REDIC1: variants seen among roughly 807,000 people sequenced by gnomAD.
REDIC1 encodes the protein HEI10 Interacting Protein 1.
the REDIC1 span, among the ~76,000 whole-genome samples, chr12:39,714,173 G>A: frequency 6.8e-6 from 1 of 146,212 alleles, no homozygotes; most frequent in East Asian, 2.0e-4. Flanking sequence ...ATGCGTATAT[G>A]TATATACATG....
the REDIC1 span, among the ~76,000 whole-genome samples, chr12:39,656,797 A>G: frequency 3.3e-5 from 5 of 152,316 alleles, no homozygotes; most frequent in Non-Finnish European, 7.4e-5. Flanking sequence ...TTTTAACAAA[A>G]AAGGTTAAAA....
chr12:39,715,296 C>T, the REDIC1 span, among the ~76,000 whole-genome samples: 79 of 151,896 alleles, frequency 5.2e-4, no homozygotes, highest in Non-Finnish European at 9.4e-4. Flanking sequence ...CTAATTAGCC[C>T]AGCACCATTT....
chr12:39,828,315 C>T, the REDIC1 span, among the ~76,000 whole-genome samples: 10 of 151,754 alleles, frequency 6.6e-5, no homozygotes, highest in Non-Finnish European at 1.2e-4. Context: ...CTGTGAACAT[C>T]ATTTTTTTTT....
chr12:39,656,819 AT>A, the REDIC1 span, among the ~76,000 whole-genome samples: 3 of 152,204 alleles, frequency 2.0e-5, no homozygotes, highest in African/African-American at 7.2e-5. Context: ...TAAGGAAAAC[AT>A]TTAAAAAAAT....
chr12:39,712,114 C>A, the REDIC1 span, among the ~76,000 whole-genome samples: 315 of 85,928 alleles, frequency 3.7e-3, 1 homozygote, highest in South Asian at 6.5e-3. Context: ...GTATATATAC[C>A]TGTATATATA....
chr12:39,646,090 A>G, the REDIC1 span, among the ~76,000 whole-genome samples: 1 of 152,016 alleles, frequency 6.6e-6, no homozygotes, highest in African/African-American at 2.4e-5. Context: ...TGGTGGAAGA[A>G]AAAGTAGAAC....
chr12:39,897,769 T>G, the REDIC1 span, among the ~76,000 whole-genome samples: 1 of 152,186 alleles, frequency 6.6e-6, no homozygotes, highest in East Asian at 1.9e-4. Flanking sequence ...TAAAAAATCA[T>G]TTTCCTTCAT....
the REDIC1 span, chr12:39,646,543 A>ATACT: frequency 7.5e-7 from 1 of 1,332,010 alleles, no homozygotes; most frequent in Non-Finnish European, 1.0e-6. Flanking sequence ...AATGTATAAA[A>ATACT]TACTTACCTT....
the REDIC1 span, among the ~76,000 whole-genome samples, chr12:39,811,596 T>C: frequency 3.3e-5 from 5 of 152,198 alleles, no homozygotes; most frequent in Non-Finnish European, 7.4e-5. Context: ...TTGTTTAATA[T>C]TCAAATATTT....
the REDIC1 span, among the ~76,000 whole-genome samples, chr12:39,779,646 C>T: frequency 6.6e-6 from 1 of 152,158 alleles, no homozygotes; most frequent in African/African-American, 2.4e-5. Flanking sequence ...ACATTGTAAG[C>T]CTCAGAGAAG....
chr12:39,646,001 C>G, the REDIC1 span, among the ~76,000 whole-genome samples: 2 of 151,840 alleles, frequency 1.3e-5, no homozygotes, highest in Admixed American at 1.3e-4. Context: ...AAGTACTGAC[C>G]AGAGAAAGGG....
chr12:39,799,025 C>T, the REDIC1 span, among the ~76,000 whole-genome samples: 2 of 150,468 alleles, frequency 1.3e-5, no homozygotes, highest in African/African-American at 4.9e-5. Flanking sequence ...CCATTATCCC[C>T]ACTTCAGATA....
chr12:39,650,094 G>T, the REDIC1 span: 6 of 820,714 alleles, frequency 7.3e-6, no homozygotes, highest in Non-Finnish European at 8.4e-6. This position sits in a 1 kb window ranked among gnomAD's most constrained non-coding sequence, Gnocchi z 4.3. Context: ...TTTTCAATAA[G>T]TAGTAAAATT....
At chr12:39,881,699 C>A in the REDIC1 span, among the ~76,000 whole-genome samples, 1 of 152,190 alleles carries the variant, frequency 6.6e-6, no homozygotes, top group Non-Finnish European at 1.5e-5. Flanking sequence ...AACCTTCTTA[C>A]ACCTTGGATC....
the REDIC1 span, among the ~76,000 whole-genome samples, chr12:39,730,462 C>T: frequency 6.6e-6 from 1 of 152,156 alleles, no homozygotes; most frequent in South Asian, 2.1e-4. Flanking sequence ...AAATTCTTTT[C>T]TTTAAAATGT....
At chr12:39,907,125 A>G in the REDIC1 span, among the ~76,000 whole-genome samples, 1 of 152,172 alleles carries the variant, frequency 6.6e-6, no homozygotes, top group Non-Finnish European at 1.5e-5. Context: ...TAGTTACTAC[A>G]TTTTAGTAAT....
At chr12:39,652,597 A>C in the REDIC1 span, among the ~76,000 whole-genome samples, 2 of 152,110 alleles carry the variant, frequency 1.3e-5, no homozygotes, top group Non-Finnish European at 2.9e-5. Flanking sequence ...TAATTTGATG[A>C]AGTCCGACAT....
At chr12:39,679,350 C>A in the REDIC1 span, among the ~76,000 whole-genome samples, 4 of 152,148 alleles carry the variant, frequency 2.6e-5, no homozygotes, top group African/African-American at 9.7e-5. Flanking sequence ...AGTAGAACTG[C>A]TATACATCAA....
the REDIC1 span, among the ~76,000 whole-genome samples, chr12:39,666,940 A>T: frequency 6.6e-6 from 1 of 152,000 alleles, no homozygotes; most frequent in Admixed American, 6.6e-5. Context: ...TATTGCATCT[A>T]TTTGATTCTT....
Sources: allele counts gnomAD v4.1 joint callset (sites outside exome capture counted in the v4.1 genomes callset), GRCh38; gene constraint gnomAD v4.1.1; non-coding constraint Gnocchi (gnomAD v3.1); transcripts MANE v1.5; gene names NCBI Gene and HGNC (gene_info 2026-07-23, HGNC 2026-07-21).